OSBPL9: variants seen among roughly 807,000 people sequenced by gnomAD.
OSBPL9 encodes the protein oxysterol-binding protein-related protein 9.
Under a neutral mutation model 106.6 loss-of-function variants are expected in OSBPL9, and 40 were observed. The ratio of observed to expected loss-of-function variants is 0.38; its 90% CI spans 0.29 to 0.49. The LOEUF (loss-of-function observed/expected upper bound fraction) is 0.49. OSBPL9 is among the 20% of genes least tolerant of loss of function. The pLI is 0.97. For missense variants in OSBPL9, 609 were observed against 887.2 expected (o/e 0.69, Z 3.98); for synonymous variants, 269 against 295.4 (o/e 0.91, Z 0.92).
intron 2 of OSBPL9, among the ~76,000 whole-genome samples, chr1:51,609,043 TCCCCTTC>T (rs754507930): frequency 5.3e-5 from 8 of 152,086 alleles, no homozygotes; most frequent in African/African-American, 2.4e-5. Flanking sequence ...TTCTATGACC[TCCCCTTC>T]CCCCTTCCTA....
intron 4 of OSBPL9, among the ~76,000 whole-genome samples, chr1:51,723,327 G>C (rs984201924): frequency 3.3e-5 from 5 of 152,026 alleles, no homozygotes; most frequent in African/African-American, 1.2e-4. Flanking sequence ...CTCATCCCTG[G>C]CAACCACTGA....
At position 51,761,852 on chromosome 1, in the gene OSBPL9, G is replaced by T. The variant is rs376122413; in HGVS notation, c.674-15G>T. 2 of 1,578,002 alleles carry T rather than the reference G, an allele frequency of 1.3e-6. No individual in the cohort carries two copies. The highest frequency in any genetic ancestry group is 1.3e-5 in the African/African-American group (1 of 74,124). On this transcript the variant is annotated splice_polypyrimidine_tract_variant and intron_variant, in intron 10 of 23. Transcript: ENST00000428468. ...GCTGTTTCTGTACCTTATTTTATAC[G>T]TTCAAATCTCCTAGAACCTGTTCAG...
At chr1:51,546,364 T>C in the OSBPL9 span, among the ~76,000 whole-genome samples, 1 of 151,994 alleles carries the variant, frequency 6.6e-6, no homozygotes, top group African/African-American at 2.4e-5. Context: ...ATTAAGAATT[T>C]CTGTTCAACA....
rs547095134 is a variant in OSBPL9 at position 51,726,617 on chromosome 1, C to G, written c.318+12538C>G. Among the ~76,000 whole-genome samples, 21 of 150,422 alleles carry G rather than the reference C, an allele frequency of 1.4e-4. 1 individual carries two copies. The South Asian group carries it at 4.4e-3, about 32-fold the overall frequency. Reference sequence around the variant, plus strand: ...AGGCACGGCCTATTTTTTTTTTGCTCAACAGTCTAAAATAGTAATTTAATC... The same window carrying G: ...AGGCACGGCCTATTTTTTTTTTGCTGAACAGTCTAAAATAGTAATTTAATC... On this transcript the variant is annotated intron_variant, in intron 4 of 23. Coordinates refer to ENST00000428468, the MANE Select transcript of OSBPL9 (RefSeq NM_024586.6).
intron 3 of OSBPL9, among the ~76,000 whole-genome samples, chr1:51,687,654 G>A (rs533909453): frequency 1.3e-5 from 2 of 152,272 alleles, no homozygotes; most frequent in South Asian, 4.1e-4. Flanking sequence ...TTGGAAGTGT[G>A]GAAAAGGATG....
chr1:51,591,793 G>GAA (rs1261738844), intron 1 of OSBPL9, among the ~76,000 whole-genome samples: 295 of 151,962 alleles, frequency 1.9e-3, no homozygotes, highest in African/African-American at 7.1e-3. Context: ...CTGAAAGAAA[G>GAA]AGACAGAGAG....
chr1:51,526,478 C>G, the OSBPL9 span, among the ~76,000 whole-genome samples: 2 of 152,136 alleles, frequency 1.3e-5, no homozygotes, highest in Admixed American at 1.3e-4. Flanking sequence ...GATATTCTTA[C>G]TTCTGAGGAT....
intron 2 of OSBPL9, among the ~76,000 whole-genome samples, chr1:51,664,200 G>A (rs917271441): frequency 2.6e-5 from 4 of 152,040 alleles, no homozygotes; most frequent in East Asian, 1.9e-4. Context: ...TTCTAATAAC[G>A]TAAAACTGAA....
intron 1 of OSBPL9, among the ~76,000 whole-genome samples, chr1:51,645,481 G>C (rs1327399024): frequency 1.3e-5 from 2 of 151,222 alleles, no homozygotes; most frequent in Admixed American, 1.3e-4. Flanking sequence ...TTGTTTGTTT[G>C]GTTGGTTTTT....
At chr1:51,531,277 A>AAAAT in the OSBPL9 span, among the ~76,000 whole-genome samples, 5 of 152,232 alleles carry the variant, frequency 3.3e-5, no homozygotes, top group Non-Finnish European at 7.3e-5. Flanking sequence ...ACTCTGTCTA[A>AAAAT]AAATAAATAA....
chr1:51,642,380 T>C (rs1645857786), intron 1 of OSBPL9, among the ~76,000 whole-genome samples: 1 of 152,176 alleles, frequency 6.6e-6, no homozygotes, highest in African/African-American at 2.4e-5. Flanking sequence ...CTTGGCAGGC[T>C]CTTAATTATT....
the OSBPL9 span, among the ~76,000 whole-genome samples, chr1:51,549,569 C>T: frequency 1.2e-4 from 18 of 152,320 alleles, no homozygotes; most frequent in Admixed American, 2.6e-4. Context: ...CACTGGCCTA[C>T]GCCTGTAATC....
chr1:51,537,612 A>G, the OSBPL9 span, among the ~76,000 whole-genome samples: 2 of 152,196 alleles, frequency 1.3e-5, no homozygotes, highest in African/African-American at 4.8e-5. Flanking sequence ...ACTGGAGTGC[A>G]GTGATGCTAT....
intron 1 of OSBPL9, 37 bp downstream of exon 1, chr1:51,617,258 G>C (rs376856166): frequency 7.0e-6 from 11 of 1,563,636 alleles, no homozygotes; most frequent in African/African-American, 1.4e-5. Context: ...GGCGCCTCGG[G>C]GCCGCGTTTC....
At chr1:51,655,929 C>G (rs1477602144) in intron 2 of OSBPL9, among the ~76,000 whole-genome samples, 6 of 152,220 alleles carry the variant, frequency 3.9e-5, no homozygotes, top group Non-Finnish European at 8.8e-5. Context: ...TTTTACTAGG[C>G]TTTGTAGTAT....
intron 11 of OSBPL9, among the ~76,000 whole-genome samples, chr1:51,762,346 T>C (rs1171070820): frequency 6.6e-6 from 1 of 152,070 alleles, no homozygotes; most frequent in Non-Finnish European, 1.5e-5. Context: ...TTAATTTTTG[T>C]AGAGAGGAGT....
chr1:51,705,010 T>G (rs990753109), intron 3 of OSBPL9, among the ~76,000 whole-genome samples: 1 of 152,192 alleles, frequency 6.6e-6, no homozygotes, highest in Admixed American at 6.6e-5. Flanking sequence ...GGTAACCAAT[T>G]TATTTAGTTT....
chr1:51,776,484 A>G (rs997037244), intron 14 of OSBPL9, among the ~76,000 whole-genome samples: 4 of 152,236 alleles, frequency 2.6e-5, no homozygotes, highest in African/African-American at 9.6e-5. Flanking sequence ...AAAATAATGT[A>G]TATGTAATGT....
intron 2 of OSBPL9, among the ~76,000 whole-genome samples, chr1:51,664,485 G>T (rs1305401649): frequency 2.6e-5 from 4 of 152,106 alleles, no homozygotes; most frequent in Non-Finnish European, 5.9e-5. Context: ...GAGGCCAGGA[G>T]TTTGAGACCA....
Sources: allele counts gnomAD v4.1 joint callset (sites outside exome capture counted in the v4.1 genomes callset), GRCh38; gene constraint gnomAD v4.1.1; transcripts MANE v1.5; gene names NCBI Gene and HGNC (gene_info 2026-07-23, HGNC 2026-07-21).